Variants in SPINK5 observed in about 807,000 individuals in gnomAD.
SPINK5 encodes the protein serine peptidase inhibitor Kazal type 5.
In SPINK5, 125 loss-of-function variants were observed where a neutral mutation model predicts 151.8. That is an observed-to-expected ratio of 0.82 (90% CI 0.71 to 0.96). SPINK5 has a LOEUF of 0.96. Ranked by LOEUF, SPINK5 falls within the 40% of genes least tolerant of loss-of-function variation. The pLI, the probability that SPINK5 is intolerant of heterozygous loss-of-function variation, is 0.00. For missense variants in SPINK5, 1,194 were observed against 1,291.9 expected (o/e 0.92, Z 1.16); for synonymous variants, 374 against 395.3 (o/e 0.95, Z 0.64).
intron 4 of SPINK5, among the ~76,000 whole-genome samples, chr5:148,072,674 G>T (rs1372133127): frequency 6.6e-6 from 1 of 151,346 alleles, no homozygotes; most frequent in Non-Finnish European, 1.5e-5. Context: ...TTTAAAAGCC[G>T]GTCTCAGGGT....
chr5:148,118,576 T>C lies in SPINK5; in HGVS notation c.2240+12T>C. ...TGTAAAGCAAAATTGTAAGTATTTC[T>C]CTCAACAGGCATGTCTAAAATATAG... is the stretch of plus-strand genomic sequence containing the variant. On this transcript the variant is annotated intron_variant, in intron 23 of 32. Transcript: ENST00000256084. 6.2e-7 allele frequency: 1 copy of C among 1,613,934 alleles called. No homozygotes were observed.
At chr5:148,127,857 T>C (rs10041981) in intron 30 of SPINK5, among the ~76,000 whole-genome samples, 88,850 of 151,958 alleles carry the variant, frequency 0.58, 26,332 homozygotes, top group Admixed American at 0.66. Flanking sequence ...GACCCCACCC[T>C]TCTCTCTTCC....
rs530833470 is a variant in SPINK5 at position 148,078,154 on chromosome 5, T to C, written c.282+5934T>C. Among the ~76,000 whole-genome samples, 14 of 151,254 alleles carry C rather than the reference T, an allele frequency of 9.3e-5. No individual in the cohort carries two copies. In the South Asian group the frequency reaches 2.7e-3, roughly 29 times the overall value. On this transcript the variant is annotated intron_variant, in intron 4 of 32. Transcript: ENST00000256084. ...AAGAGAGCAGGATTGGCTATATTAA[T>C]ATGTGATAAAATAGACATTAAGACA...
At chr5:148,064,465 T>C (rs1390710752) in intron 1 of SPINK5, among the ~76,000 whole-genome samples, 1 of 152,170 alleles carries the variant, frequency 6.6e-6, no homozygotes, top group East Asian at 1.9e-4. Context: ...GTAAATAATA[T>C]ATGTATTTTA....
intron 14 of SPINK5, 134 bp downstream of exon 14, chr5:148,101,570 T>TGTGCA: frequency 2.0e-6 from 2 of 1,012,420 alleles, no homozygotes; most frequent in Non-Finnish European, 3.1e-6. Flanking sequence ...TGTTTTCATG[T>TGTGCA]GTGCAGTTAT....
Position 148,108,734 on chromosome 5 carries a change from T to G in SPINK5, c.1608-19T>G. ...AGTAGGGAATCATATTCAGCCTATA[T>G]CTTCTTTTTCTATTACAGCAAACTT... On this transcript the variant is annotated intron_variant, in intron 17 of 32. Transcript: ENST00000256084. The G allele has an allele frequency of 6.2e-7, 1 of 1,608,894 alleles. No individual in the cohort carries two copies. The highest frequency in any genetic ancestry group is 1.1e-5 in the South Asian group (1 of 90,828).
intron 6 of SPINK5, chr5:148,089,147 A>G (rs557197713): frequency 7.9e-5 from 37 of 468,998 alleles, no homozygotes; most frequent in Admixed American, 6.3e-4. Flanking sequence ...AAGCTTCCAG[A>G]GCACCTGAGG....
At chr5:148,116,706 G>A (rs1436595289) in intron 22 of SPINK5, among the ~76,000 whole-genome samples, 1 of 152,154 alleles carries the variant, frequency 6.6e-6, no homozygotes, top group Admixed American at 6.5e-5. Flanking sequence ...AGTCTCCTGA[G>A]CCCTCTTTAT....
At chr5:148,101,737 C>T (rs2113121858) in intron 14 of SPINK5, 44 bp from the exon 15 acceptor site, 1 of 1,613,248 alleles carries the variant, frequency 6.2e-7, no homozygotes, top group Non-Finnish European at 8.5e-7. Context: ...CAATCTGATT[C>T]AGCCTATGTT....
At chr5:148,128,617 C>T (rs542327932) in intron 30 of SPINK5, among the ~76,000 whole-genome samples, 3 of 152,244 alleles carry the variant, frequency 2.0e-5, no homozygotes, top group Admixed American at 1.3e-4. Context: ...CAAGCTCCGC[C>T]TCCGCAGTTC....
chr5:148,065,264 GA>G (rs1275665838), intron 1 of SPINK5, 82 bp from the exon 2 acceptor site: 4 of 1,425,188 alleles, frequency 2.8e-6, no homozygotes, highest in Non-Finnish European at 3.9e-6. Context: ...AAGCAATCAA[GA>G]TGCTGCATTA....
In SPINK5 at chr5:148,137,351, A is replaced by ACTC. The variant is rs397704765; in HGVS notation, c.*361_*363dup. ...ATTTGCTTTTAAAGAAACTGAATAA[A>ACTC]CTCTACCCTTTTGTCTTTTTGTGTT... is the stretch of plus-strand genomic sequence containing the variant. On this transcript the variant is annotated 3_prime_UTR_variant, in exon 33 of 33. Coordinates refer to ENST00000256084, the MANE Select transcript of SPINK5 (RefSeq NM_006846.4). 0.41 allele frequency: 129,477 copies of ACTC among 313,912 alleles called. 28,524 individuals are homozygous for ACTC. Among genetic ancestry groups the ACTC allele is most frequent in the African/African-American group, 0.58 (27,176 of 47,094 alleles). 19.4% of individuals were successfully genotyped at this position (313,912 alleles called of 1,614,324 possible).
intron 4 of SPINK5, among the ~76,000 whole-genome samples, chr5:148,077,901 GC>G (rs1561676437): frequency 6.7e-6 from 1 of 150,244 alleles, no homozygotes; most frequent in African/African-American, 2.4e-5. Context: ...GAACAGAGAA[GC>G]AAAAAAAGAC....
chr5:148,103,006 C>G (rs933356219), intron 15 of SPINK5, among the ~76,000 whole-genome samples: 1 of 152,034 alleles, frequency 6.6e-6, no homozygotes, highest in African/African-American at 2.4e-5. Context: ...AAAAAACCCC[C>G]ATTTTATTTC....
Position 148,124,919 on chromosome 5 carries a change from T to C in SPINK5, c.2739+82T>C, listed in dbSNP as rs187199442. 5,919 of 1,370,354 alleles carry C rather than the reference T, an allele frequency of 4.3e-3. 24 individuals are homozygous for C. Among genetic ancestry groups the C allele is most frequent in the Non-Finnish European group, 4.8e-3 (5,109 of 1,055,416 alleles). The allele number at this position is 1,370,354 out of a possible 1,614,324, so 84.9% of individuals were successfully genotyped here. A position where few individuals can be genotyped will look rare whatever the true frequency, so the allele number is the denominator to read the frequency against. On this transcript the variant is annotated intron_variant, in intron 28 of 32. Transcript: ENST00000256084. ...CATTCTTCTCCAGCTTTGGGAATAA[T>C]AAATATATTAATATCTTAACTTCAA... is the stretch of plus-strand genomic sequence containing the variant.
intron 22 of SPINK5, 46 bp downstream of exon 22, chr5:148,116,512 TTGACAATA>T: frequency 6.4e-7 from 1 of 1,561,632 alleles, no homozygotes. Context: ...GCTCAACTCC[TTGACAATA>T]GGACTGTGAA....
At chr5:148,134,707 G>A (rs980796982) in intron 32 of SPINK5, among the ~76,000 whole-genome samples, 2 of 151,872 alleles carry the variant, frequency 1.3e-5, no homozygotes, top group Non-Finnish European at 2.9e-5. Context: ...AACAGACCAT[G>A]GTATAGTGCT....
chr5:148,089,542 T>C lies in SPINK5; in HGVS notation c.523T>C (p.Cys175Arg). The change falls in exon 7 of 33, where the codon TGC becomes CGC. Residue 175 changes from cysteine to arginine, a missense_variant. Coordinates refer to ENST00000256084, the MANE Select transcript of SPINK5 (RefSeq NM_006846.4). Reference protein sequence around the residue: ...RPFVRDGRLGCTRENDPVLGP... With the variant: ...RPFVRDGRLGRTRENDPVLGP... ...CTTTGTTAGAGATGGAAGACTTGGA[T>C]GCACAAGGGAAAATGATCCTGTTCT... The C allele has an allele frequency of 4.3e-6, 7 of 1,612,170 alleles. No homozygotes were observed. Among genetic ancestry groups the C allele is most frequent in the Non-Finnish European group, 5.9e-6 (7 of 1,178,764 alleles).
chr5:148,104,107 T>C (rs1489177632), intron 15 of SPINK5, among the ~76,000 whole-genome samples: 2 of 152,198 alleles, frequency 1.3e-5, no homozygotes, highest in Non-Finnish European at 2.9e-5. Flanking sequence ...TTTTATTTTG[T>C]ACCAGGTACT....
Sources: gnomAD v4.1 joint callset for allele counts (sites outside exome capture counted in the v4.1 genomes callset) on GRCh38, gnomAD v4.1.1 for gene constraint, MANE v1.5 for transcripts, NCBI Gene and HGNC (gene_info 2026-07-23, HGNC 2026-07-21) for gene names.